The following ADSS1 variants were observed in gnomAD, a reference collection of about 807,000 sequenced individuals.
ADSS1 encodes the protein adenylosuccinate synthase 1.
Under a neutral mutation model 59.1 loss-of-function variants are expected in ADSS1, and 57 were observed. The observed-to-expected ratio is 0.97, with a 90% CI of 0.78 to 1.20. The LOEUF (loss-of-function observed/expected upper bound fraction) is 1.20. Ranked by LOEUF, ADSS1 falls within the 50% of genes most tolerant of loss-of-function variation. The pLI is 0.00. For missense variants in ADSS1, 603 were observed against 610.3 expected (o/e 0.99, Z 0.13); for synonymous variants, 247 against 249.4 (o/e 0.99, Z 0.09).
chr14:104,729,867 G>A (rs527974281), intron 1 of ADSS1: 1 of 1,442,236 alleles, frequency 6.9e-7, no homozygotes, highest in East Asian at 2.6e-5. Context: ...TGGCGTCGGC[G>A]TCGTGGGGAG....
rs1410925952 is a variant in ADSS1, at chr14:104,747,130, TCTGTTCAAC to T, written c.*133_*141del. ...AAACCATTTTCTGTACTTTTATATT[TCTGTTCAAC>T]CTGTTGGTTTCTACAATGATTTTAA... is the stretch of plus-strand genomic sequence containing the variant. On this transcript the variant is annotated 3_prime_UTR_variant, in exon 13 of 13. Coordinates refer to ENST00000330877, the MANE Select transcript of ADSS1 (RefSeq NM_152328.5). 1.2e-5 allele frequency: 10 copies of T among 811,240 alleles called. No homozygotes were observed. In the South Asian group the frequency reaches 2.4e-4, roughly 19 times the overall value. The allele number at this position is 811,240 out of a possible 1,614,324, so 50.3% of individuals were successfully genotyped here.
intron 2 of ADSS1, among the ~76,000 whole-genome samples, chr14:104,735,419 A>G (rs958366821): frequency 6.6e-6 from 1 of 152,178 alleles, no homozygotes; most frequent in Non-Finnish European, 1.5e-5. Context: ...GATCCCTCAC[A>G]TGCACATACT....
intron 1 of ADSS1, among the ~76,000 whole-genome samples, chr14:104,728,051 G>C (rs1053867352): frequency 6.6e-6 from 1 of 152,226 alleles, no homozygotes; most frequent in Admixed American, 6.5e-5. Context: ...TGTATGCAGG[G>C]GTGTGAGATC....
At chr14:104,728,483 C>T (rs1890784025) in intron 1 of ADSS1, among the ~76,000 whole-genome samples, 1 of 152,122 alleles carries the variant, frequency 6.6e-6, no homozygotes, top group African/African-American at 2.4e-5. Flanking sequence ...GAGAACAATT[C>T]CTTTGGGTTG....
Position 104,740,240 on chromosome 14 carries a change from C to T in ADSS1, c.477-361C>T, listed in dbSNP as rs1891292393. Among the ~76,000 whole-genome samples, 1 of 152,160 alleles carries T rather than the reference C, an allele frequency of 6.6e-6. No homozygotes were observed. The highest frequency in any genetic ancestry group is 1.5e-5 in the Non-Finnish European group (1 of 68,036). On this transcript the variant is annotated intron_variant, in intron 5 of 12. Coordinates refer to ENST00000330877, the MANE Select transcript of ADSS1 (RefSeq NM_152328.5). This position sits in a 1 kb window ranked among gnomAD's most constrained non-coding sequence, Gnocchi z 4.8. Reference sequence around the variant, plus strand: ...TGATGGTCACACACTTACCCACTCACACTCTCACACAGGCACACACTCATG... The same window carrying T: ...TGATGGTCACACACTTACCCACTCATACTCTCACACAGGCACACACTCATG...
rs1890959318 is a variant in ADSS1 at position 104,732,269 on chromosome 14, C to T, written c.193-2751C>T. On this transcript the variant is annotated intron_variant, in intron 1 of 12. Transcript: ENST00000330877. ...TTTTCCTTTGTTCCCCTTTGTCCAG[C>T]CCTCCTTGGATGCCTTTGCTGTGGG... is the stretch of plus-strand genomic sequence containing the variant. Among the ~76,000 whole-genome samples the T allele has an allele frequency of 2.0e-5, 3 of 152,206 alleles. No homozygotes were observed. The South Asian group carries it at 6.2e-4, about 31-fold the overall frequency.
At chr14:104,738,924 G>A (rs1279826972) in intron 3 of ADSS1, among the ~76,000 whole-genome samples, 1 of 152,182 alleles carries the variant, frequency 6.6e-6, no homozygotes, top group African/African-American at 2.4e-5. Flanking sequence ...GGGCGGGACG[G>A]GTGTGAAAAG....
chr14:104,741,763 C>A, intron 8 of ADSS1, 85 bp from the exon 9 acceptor site: 1 of 1,551,624 alleles, frequency 6.4e-7, no homozygotes, highest in Non-Finnish European at 8.8e-7. Context: ...CTGCCCACTG[C>A]CCTTTACTGA....
At chr14:104,739,426 A>G (rs1891249424) in intron 4 of ADSS1, 48 bp downstream of exon 4, 3 of 1,571,480 alleles carry the variant, frequency 1.9e-6, no homozygotes, top group East Asian at 2.3e-5. Flanking sequence ...TGCCCCCACC[A>G]TTGCCAGCCG....
chr14:104,743,490 C>G (rs1010355839), intron 10 of ADSS1: 1 of 337,380 alleles, frequency 3.0e-6, no homozygotes, highest in South Asian at 3.0e-5. Flanking sequence ...GCGGAAGTAC[C>G]CAGGACGAAA....
chr14:104,734,861 A>C (rs1891058236), intron 1 of ADSS1, among the ~76,000 whole-genome samples, 159 bp from the exon 2 acceptor site: 2 of 152,216 alleles, frequency 1.3e-5, no homozygotes, highest in African/African-American at 2.4e-5. Context: ...CCCACATCCC[A>C]GTCCCGCACA....
chr14:104,746,064 C>T (rs1891543831), intron 11 of ADSS1, 172 bp from the exon 12 acceptor site: 1 of 771,750 alleles, frequency 1.3e-6, no homozygotes. Context: ...CCCCTGCTTA[C>T]CACCCAACAC....
At position 104,746,036 on chromosome 14, in the gene ADSS1, T is replaced by G. The variant is rs566937800; in HGVS notation, c.1172-200T>G. 74 of 594,644 alleles carry G rather than the reference T, an allele frequency of 1.2e-4. 1 individual carries two copies. In the South Asian group the frequency reaches 1.5e-3, roughly 12 times the overall value. 36.8% of individuals were successfully genotyped at this position (594,644 alleles called of 1,614,324 possible). ...CCTCTGGTCTGGAAGGCGTGTAGTGTCTGAGCCCCACTGCTGTCCCCTGCT... is the reference window on the plus strand; with the variant it reads ...CCTCTGGTCTGGAAGGCGTGTAGTGGCTGAGCCCCACTGCTGTCCCCTGCT... On this transcript the variant is annotated intron_variant, in intron 11 of 12. Transcript: ENST00000330877.
intron 11 of ADSS1, chr14:104,745,873 G>A (rs534816752): frequency 5.9e-6 from 1 of 170,916 alleles, no homozygotes; most frequent in Non-Finnish European, 1.2e-5. Context: ...TCTTGGGGTG[G>A]GAGGACACAG....
chr14:104,729,027 C>T (rs1207272796), intron 1 of ADSS1, among the ~76,000 whole-genome samples: 1 of 152,100 alleles, frequency 6.6e-6, no homozygotes, highest in Non-Finnish European at 1.5e-5. Flanking sequence ...GAGGAGAAGG[C>T]TCTGGAGCAT....
intron 1 of ADSS1, among the ~76,000 whole-genome samples, chr14:104,731,586 C>T (rs565402199): frequency 6.6e-6 from 1 of 152,340 alleles, no homozygotes; most frequent in Admixed American, 6.5e-5. Context: ...GCTCAGGTGC[C>T]TCAGCTCTGC....
In ADSS1 at chr14:104,739,776, G is replaced by C. The variant is rs778986361; in HGVS notation, c.436G>C (p.Gly146Arg). Residue 146 changes from glycine (G) to arginine (R), a missense_variant, in exon 5 of 13, where the codon GGA becomes CGA. Coordinates refer to ENST00000330877, the MANE Select transcript of ADSS1 (RefSeq NM_152328.5). The part of the protein sequence containing the change: ...LVFDFHQAVD[G>R]LQEVQRQAQE... ...GTTTGATTTTCACCAGGCTGTCGACGGACTTCAGGAAGTGCAGCGCCAGGC... is the reference window on the plus strand; with the variant it reads ...GTTTGATTTTCACCAGGCTGTCGACCGACTTCAGGAAGTGCAGCGCCAGGC... 1.2e-6 allele frequency: 2 copies of C among 1,613,758 alleles called. No homozygotes were observed. The highest frequency in any genetic ancestry group is 3.3e-5 in the Admixed American group (2 of 59,992).
intron 1 of ADSS1, among the ~76,000 whole-genome samples, chr14:104,727,850 G>A (rs1595193335): frequency 1.3e-5 from 2 of 152,352 alleles, no homozygotes; most frequent in African/African-American, 4.8e-5. Flanking sequence ...GCCCTGGTCA[G>A]GGTTTAGAAT....
Position 104,738,356 on chromosome 14 carries a change from T to C in ADSS1, c.296-20T>C, listed in dbSNP as rs781382185. 4 of 1,613,354 alleles carry C rather than the reference T, an allele frequency of 2.5e-6. No homozygotes were observed. Among genetic ancestry groups the C allele is most frequent in the Non-Finnish European group, 3.4e-6 (4 of 1,179,420 alleles). On this transcript the variant is annotated intron_variant, in intron 2 of 12. Coordinates refer to ENST00000330877, the MANE Select transcript of ADSS1 (RefSeq NM_152328.5). Reference sequence around the variant, plus strand: ...GTCTGGGACACAACTCTGTCTCTCATGCCTCTGTCTCTCATGCAGGCAACG... The same window carrying C: ...GTCTGGGACACAACTCTGTCTCTCACGCCTCTGTCTCTCATGCAGGCAACG...
Sources: gnomAD v4.1 joint callset for allele counts (sites outside exome capture counted in the v4.1 genomes callset) on GRCh38, gnomAD v4.1.1 for gene constraint, Gnocchi (gnomAD v3.1) non-coding constraint, MANE v1.5 for transcripts, NCBI Gene and HGNC (gene_info 2026-07-23, HGNC 2026-07-21) for gene names.